FTCDNL1: variants seen among roughly 807,000 people sequenced by gnomAD.
The protein encoded by FTCDNL1 is formiminotransferase N-terminal subdomain-containing protein.
FTCDNL1 carries 11 observed loss-of-function variants against 5.9 expected under a neutral mutation model. The ratio of observed to expected loss-of-function variants is 1.87; its 90% CI spans 1.18 to 3.10. FTCDNL1 has a LOEUF of 3.10. Among genes scored for constraint, FTCDNL1 ranks in the 30% most tolerant of loss-of-function variants. The pLI, the probability that FTCDNL1 is intolerant of heterozygous loss-of-function variation, is 0.00. For missense variants in FTCDNL1, 115 were observed against 65.5 expected, an observed-to-expected ratio of 1.76 and a Z score of -2.61; for synonymous variants, 58 against 24.8, an observed-to-expected ratio of 2.34 and a Z score of -3.99.
chr2:199,756,924 C>T (rs1377500717), downstream of FTCDNL1, among the ~76,000 whole-genome samples: 1 of 152,184 alleles, frequency 6.6e-6, no homozygotes, highest in African/African-American at 2.4e-5. Context: ...GCTCTCAAAG[C>T]TACTGCATGA....
intron 3 of FTCDNL1, among the ~76,000 whole-genome samples, chr2:199,820,946 A>C (rs1426840321): frequency 3.3e-5 from 5 of 152,224 alleles, no homozygotes; most frequent in Non-Finnish European, 7.3e-5. Context: ...ATCACGGATC[A>C]TCAAAATCAG....
At chr2:199,841,749 C>T (rs574243528) in intron 3 of FTCDNL1, among the ~76,000 whole-genome samples, 1 of 152,162 alleles carries the variant, frequency 6.6e-6, no homozygotes, top group Admixed American at 6.5e-5. Flanking sequence ...CTGTCCCTCA[C>T]CAGCAACAGC....
At chr2:199,707,905 T>C in the FTCDNL1 span, among the ~76,000 whole-genome samples, 2 of 152,088 alleles carry the variant, frequency 1.3e-5, no homozygotes, top group African/African-American at 4.8e-5. Context: ...AGTTTGATTC[T>C]GATGTGTCTT....
the FTCDNL1 span, among the ~76,000 whole-genome samples, chr2:199,721,106 G>C: frequency 6.6e-6 from 1 of 152,012 alleles, no homozygotes; most frequent in Admixed American, 6.6e-5. Flanking sequence ...TCTTTCTTTT[G>C]TCTTATGTTT....
At chr2:199,700,922 A>ATTG in the FTCDNL1 span, among the ~76,000 whole-genome samples, 1 of 148,026 alleles carries the variant, frequency 6.8e-6, no homozygotes. Context: ...TTTCTCAACT[A>ATTG]GAAAAAAAAA....
chr2:199,786,286 G>T (rs948877297), intron 3 of FTCDNL1, among the ~76,000 whole-genome samples: 1 of 151,668 alleles, frequency 6.6e-6, no homozygotes, highest in Admixed American at 6.6e-5. Context: ...CACATAATGG[G>T]GACTTCAGAA....
chr2:199,849,105 T>C (rs980535599), intron 1 of FTCDNL1, 136 bp from the exon 2 acceptor site: 19 of 594,746 alleles, frequency 3.2e-5, no homozygotes, highest in Non-Finnish European at 5.3e-5. Flanking sequence ...CCTAGAAAAA[T>C]TCTAAAGCAT....
the FTCDNL1 span, among the ~76,000 whole-genome samples, chr2:199,676,556 G>A: frequency 6.6e-6 from 1 of 151,556 alleles, no homozygotes; most frequent in African/African-American, 2.4e-5. Context: ...TTTATAAAAT[G>A]TACCCCTATA....
intron 3 of FTCDNL1, among the ~76,000 whole-genome samples, chr2:199,822,873 C>T (rs571137330): frequency 4.6e-5 from 7 of 152,208 alleles, no homozygotes; most frequent in African/African-American, 1.7e-4. Context: ...GTTTTGGAGA[C>T]AGCATCTTCT....
intron 3 of FTCDNL1, among the ~76,000 whole-genome samples, chr2:199,803,159 A>C (rs1395742442): frequency 2.1e-5 from 3 of 140,094 alleles, no homozygotes; most frequent in South Asian, 2.4e-4. Flanking sequence ...ATGCCACTGC[A>C]CTCCAGCCTG....
At chr2:199,697,044 G>A in the FTCDNL1 span, among the ~76,000 whole-genome samples, 225 of 152,256 alleles carry the variant, frequency 1.5e-3, no homozygotes, top group African/African-American at 5.1e-3. Flanking sequence ...AGGCCAAGGC[G>A]GGTGGATCAT....
chr2:199,817,025 C>G (rs936606535), intron 4 of FTCDNL1, among the ~76,000 whole-genome samples: 5 of 152,154 alleles, frequency 3.3e-5, no homozygotes, highest in Admixed American at 3.3e-4. Flanking sequence ...TGTAAATTCT[C>G]TCTACATTAG....
rs550006271 is a variant in FTCDNL1 at position 199,801,287 on chromosome 2, T to C, written c.212-40452A>G. Among the ~76,000 whole-genome samples, 7 of 152,080 alleles carry C rather than the reference T, an allele frequency of 4.6e-5. No homozygotes were observed. The East Asian group carries it at 1.4e-3, about 29-fold the overall frequency. ...CAACTCAACTTCTCCTTTATTTGAG[T>C]CCAAAAATGTCCAGAGCCACTCCCA... On this transcript the variant is annotated intron_variant, in intron 3 of 3. Transcript: ENST00000416668.
At chr2:199,774,346 T>C (rs1224803098) in intron 3 of FTCDNL1, among the ~76,000 whole-genome samples, 1 of 152,194 alleles carries the variant, frequency 6.6e-6, no homozygotes, top group Non-Finnish European at 1.5e-5. Context: ...CCCATATGGA[T>C]TATGTGGCCA....
the FTCDNL1 span, among the ~76,000 whole-genome samples, chr2:199,720,616 C>T: frequency 6.6e-6 from 1 of 152,198 alleles, no homozygotes; most frequent in Admixed American, 6.5e-5. Flanking sequence ...TTTATCTTCA[C>T]ATGGTCTTTT....
the FTCDNL1 span, among the ~76,000 whole-genome samples, chr2:199,740,183 CTG>C: frequency 1.1e-4 from 16 of 152,204 alleles, no homozygotes; most frequent in African/African-American, 3.9e-4. Flanking sequence ...CATTTTATGA[CTG>C]TTAGTCATCT....
At chr2:199,799,564 A>T (rs1700341749) in intron 3 of FTCDNL1, among the ~76,000 whole-genome samples, 1 of 152,240 alleles carries the variant, frequency 6.6e-6, no homozygotes, top group African/African-American at 2.4e-5. Context: ...GAAGAGTACA[A>T]GAGAATTTAG....
the FTCDNL1 span, among the ~76,000 whole-genome samples, chr2:199,681,906 A>AGT: frequency 6.4e-4 from 96 of 149,666 alleles, 1 homozygote; most frequent in African/African-American, 1.9e-3. Flanking sequence ...TGCTCCAAGG[A>AGT]GTGTGTGTGT....
chr2:199,711,179 TG>T, the FTCDNL1 span, among the ~76,000 whole-genome samples: 6 of 152,020 alleles, frequency 3.9e-5, no homozygotes, highest in African/African-American at 1.4e-4. Context: ...GAGCGAGGTA[TG>T]GGCACATTAC....
Sources: gnomAD v4.1 joint callset for allele counts (sites outside exome capture counted in the v4.1 genomes callset) on GRCh38, gnomAD v4.1.1 for gene constraint, MANE v1.5 for transcripts, NCBI Gene and HGNC (gene_info 2026-07-23, HGNC 2026-07-21) for gene names.